MSRB3: variants seen among roughly 807,000 people sequenced by gnomAD.
The protein encoded by MSRB3 is methionine-R-sulfoxide reductase B3.
MSRB3 carries 13 observed loss-of-function variants against 21.0 expected under a neutral mutation model. The ratio of observed to expected loss-of-function variants is 0.62; its 90% CI spans 0.40 to 0.98. MSRB3 has a LOEUF of 0.98. Ranked by LOEUF, MSRB3 falls within the 50% of genes least tolerant of loss-of-function variation. The pLI, the probability that MSRB3 is intolerant of heterozygous loss-of-function variation, is 0.00. For missense variants in MSRB3, 199 were observed against 230.3 expected (o/e 0.86, Z 0.88); for synonymous variants, 87 against 88.6 (o/e 0.98, Z 0.10).
intron 5 of MSRB3, among the ~76,000 whole-genome samples, chr12:65,392,835 T>C (rs1879557772): frequency 6.6e-6 from 1 of 152,228 alleles, no homozygotes; most frequent in African/African-American, 2.4e-5. Context: ...GAACGAATTG[T>C]AGTTGTAAAT....
chr12:65,344,031 G>A (rs1251009078), intron 4 of MSRB3: 1 of 152,072 alleles, frequency 6.6e-6, no homozygotes, highest in Non-Finnish European at 1.5e-5. Context: ...TTTGTAACAT[G>A]AGGATAATAC....
intron 4 of MSRB3, among the ~76,000 whole-genome samples, chr12:65,329,143 TC>T (rs1381689707): frequency 3.3e-5 from 5 of 152,152 alleles, no homozygotes; most frequent in African/African-American, 1.2e-4. Context: ...ATTTTAAAGA[TC>T]CCAACAGTTT....
At chr12:65,342,658 A>G (rs1055065270) in intron 4 of MSRB3, among the ~76,000 whole-genome samples, 2 of 152,042 alleles carry the variant, frequency 1.3e-5, no homozygotes, top group Admixed American at 1.3e-4. Flanking sequence ...TTATGCATAA[A>G]GATATAGCTA....
At chr12:65,321,527 A>G (rs1452629996) in intron 2 of MSRB3, among the ~76,000 whole-genome samples, 2 of 152,232 alleles carry the variant, frequency 1.3e-5, no homozygotes, top group Non-Finnish European at 2.9e-5. Context: ...TGTTTTTCCT[A>G]TATATGTCTA....
intron 5 of MSRB3, among the ~76,000 whole-genome samples, chr12:65,426,236 G>A (rs561614216): frequency 1.3e-5 from 2 of 152,190 alleles, no homozygotes; most frequent in South Asian, 4.2e-4. Flanking sequence ...TCTTTTAAGA[G>A]GGTCTGGTGA....
intron 1 of MSRB3, among the ~76,000 whole-genome samples, chr12:65,303,063 C>T (rs1260163741): frequency 6.6e-6 from 1 of 151,928 alleles, no homozygotes; most frequent in Non-Finnish European, 1.5e-5. Flanking sequence ...AAACTGTTGG[C>T]TCCTACAGTT....
chr12:65,416,920 G>C (rs1881011056), intron 5 of MSRB3, among the ~76,000 whole-genome samples: 1 of 152,048 alleles, frequency 6.6e-6, no homozygotes, highest in Non-Finnish European at 1.5e-5. Flanking sequence ...CCCTGCTTGG[G>C]TTTCAGTACA....
intron 5 of MSRB3, among the ~76,000 whole-genome samples, chr12:65,391,240 T>G (rs1879465675): frequency 6.6e-6 from 1 of 152,178 alleles, no homozygotes; most frequent in Non-Finnish European, 1.5e-5. Context: ...ACCAATCATC[T>G]CAAGCTAAGA....
intron 4 of MSRB3, among the ~76,000 whole-genome samples, chr12:65,367,115 T>G (rs577091995): frequency 1.3e-5 from 2 of 152,242 alleles, no homozygotes; most frequent in East Asian, 3.9e-4. Flanking sequence ...CAAAGGCAGA[T>G]TGCACTGATT....
At chr12:65,399,548 A>G (rs1880003740) in intron 5 of MSRB3, among the ~76,000 whole-genome samples, 1 of 152,200 alleles carries the variant, frequency 6.6e-6, no homozygotes, top group Non-Finnish European at 1.5e-5. Flanking sequence ...TCATCTGCAA[A>G]CAGAGACAAT....
rs551709195 is a variant in MSRB3 at position 65,411,119 on chromosome 12, G to A, written c.292+42093G>A. Among the ~76,000 whole-genome samples the A allele has an allele frequency of 7.4e-4, 113 of 152,290 alleles. 1 individual carries two copies. Among genetic ancestry groups the A allele is most frequent in the Admixed American group, 1.9e-3 (29 of 15,296 alleles). ...AATAAAGCTCAGTAAATAGAGGCCT[G>A]TTTTCAGATTCAGTGTATACTTTAA... On this transcript the variant is annotated intron_variant, in intron 5 of 6. Coordinates refer to ENST00000308259, the MANE Select transcript of MSRB3 (RefSeq NM_001031679.3).
chr12:65,332,122 G>C (rs1875463760), intron 4 of MSRB3, among the ~76,000 whole-genome samples: 1 of 152,170 alleles, frequency 6.6e-6, no homozygotes, highest in Non-Finnish European at 1.5e-5. Context: ...GAGGCGAGAG[G>C]CTCTAACTTT....
At chr12:65,326,464 G>A (rs1187739152) in intron 2 of MSRB3, among the ~76,000 whole-genome samples, 1 of 151,894 alleles carries the variant, frequency 6.6e-6, no homozygotes, top group African/African-American at 2.4e-5. Flanking sequence ...TATATATACA[G>A]TATAAATGTT....
At chr12:65,395,724 G>A (rs1001670148) in intron 5 of MSRB3, among the ~76,000 whole-genome samples, 1 of 152,008 alleles carries the variant, frequency 6.6e-6, no homozygotes. Flanking sequence ...ATTTCTTCTT[G>A]TGTGAGTTGG....
intron 2 of MSRB3, among the ~76,000 whole-genome samples, chr12:65,315,505 A>G (rs1337283708): frequency 6.6e-6 from 1 of 151,966 alleles, no homozygotes; most frequent in Non-Finnish European, 1.5e-5. Context: ...CCCTGTCTCT[A>G]CTAAAAATAC....
chr12:65,353,342 A>G (rs1189462336), intron 4 of MSRB3, among the ~76,000 whole-genome samples: 1 of 152,060 alleles, frequency 6.6e-6, no homozygotes, highest in African/African-American at 2.4e-5. Flanking sequence ...GTCTCCCATT[A>G]TTATTGTGTG....
chr12:65,286,518 A>G (rs1319780056), intron 1 of MSRB3: 2 of 152,156 alleles, frequency 1.3e-5, no homozygotes, highest in African/African-American at 4.8e-5. Context: ...AGTGAAATTT[A>G]GTTGATTTGC....
At chr12:65,286,212 T>C (rs1240701233) in intron 1 of MSRB3, 1 of 152,246 alleles carries the variant, frequency 6.6e-6, no homozygotes, top group Non-Finnish European at 1.5e-5. Context: ...CAGGAAGTTC[T>C]GGTCTCAACT....
At chr12:65,437,962 G>T (rs1283569033) in intron 5 of MSRB3, among the ~76,000 whole-genome samples, 2 of 152,006 alleles carry the variant, frequency 1.3e-5, no homozygotes, top group East Asian at 3.9e-4. Context: ...TGACCATGAG[G>T]GGGATATCAC....
Sources: gnomAD v4.1 joint callset for allele counts (sites outside exome capture counted in the v4.1 genomes callset) on GRCh38, gnomAD v4.1.1 for gene constraint, MANE v1.5 for transcripts, NCBI Gene and HGNC (gene_info 2026-07-23, HGNC 2026-07-21) for gene names.